The following LARS2 variants were observed in gnomAD, a reference collection of about 807,000 sequenced individuals.
LARS2 encodes leucine--tRNA ligase, mitochondrial.
In LARS2, 81 loss-of-function variants were observed where a neutral mutation model predicts 116.6. That is an observed-to-expected ratio of 0.69 (90% confidence interval 0.58 to 0.84). LARS2 has a LOEUF of 0.84. LARS2 is among the 40% of genes least tolerant of loss of function. The pLI, the probability that LARS2 is intolerant of heterozygous loss-of-function variation, is 0.00. For synonymous variants in LARS2, 396 were observed against 407.2 expected (o/e 0.97, Z 0.33); for missense variants, 968 against 1,114.5 (o/e 0.87, Z 1.87).
chr3:45,504,944 G>A (rs1700177298), intron 15 of LARS2, among the ~76,000 whole-genome samples: 1 of 151,724 alleles, frequency 6.6e-6, no homozygotes, highest in Non-Finnish European at 1.5e-5. Context: ...GCCGAGCATG[G>A]TGGCATGCGC....
chr3:45,527,850 G>T (rs1372538390), intron 20 of LARS2, among the ~76,000 whole-genome samples: 1 of 152,192 alleles, frequency 6.6e-6, no homozygotes, highest in African/African-American at 2.4e-5. Context: ...TTGGTGTTCA[G>T]TGAGATCATT....
intron 20 of LARS2, among the ~76,000 whole-genome samples, chr3:45,540,500 A>G (rs936633940): frequency 6.6e-6 from 1 of 152,154 alleles, no homozygotes; most frequent in South Asian, 2.1e-4. Context: ...AATGCATTGT[A>G]CTAGTCTCAG....
At chr3:45,393,887 A>T (rs961980979) in intron 2 of LARS2, among the ~76,000 whole-genome samples, 8 of 152,246 alleles carry the variant, frequency 5.3e-5, no homozygotes, top group African/African-American at 1.9e-4. Flanking sequence ...ATGAATTAAC[A>T]GTCTTCTAAA....
intron 4 of LARS2, among the ~76,000 whole-genome samples, chr3:45,404,334 C>T (rs939225498): frequency 6.6e-6 from 1 of 152,128 alleles, no homozygotes; most frequent in Non-Finnish European, 1.5e-5. Context: ...ATACAACCAC[C>T]AAATCTGGTG....
chr3:45,437,329 A>G (rs1698824957), intron 6 of LARS2, among the ~76,000 whole-genome samples: 1 of 152,264 alleles, frequency 6.6e-6, no homozygotes, highest in Admixed American at 6.5e-5. Context: ...ATAAAGGAAC[A>G]TATTGCATAA....
chr3:45,424,668 G>T lies in LARS2; in HGVS notation c.516+4939G>T, dbSNP rs1476296072. Among the ~76,000 whole-genome samples, 5 of 152,102 alleles carry T rather than the reference G, an allele frequency of 3.3e-5. No individual in the cohort carries two copies. In the East Asian group the frequency reaches 9.6e-4, roughly 29 times the overall value. ...TCCTTCCATCTGTATTTTGATGCTT[G>T]TTTTTTTATTCTTTTCTTCTTTGCC... On this transcript the variant is annotated intron_variant, in intron 6 of 21. Transcript: ENST00000645846.
chr3:45,436,767 G>C (rs189470718), intron 6 of LARS2, among the ~76,000 whole-genome samples: 13 of 142,634 alleles, frequency 9.1e-5, no homozygotes, highest in African/African-American at 3.3e-4. Flanking sequence ...GCAGTCCGCA[G>C]TCCGGCCTGG....
At chr3:45,407,973 TA>T (rs1278159611) in intron 4 of LARS2, among the ~76,000 whole-genome samples, 2 of 152,222 alleles carry the variant, frequency 1.3e-5, no homozygotes, top group African/African-American at 4.8e-5. Flanking sequence ...AAATATATTT[TA>T]AAATTGTACA....
At chr3:45,486,406 G>C (rs1176540638) in intron 11 of LARS2, among the ~76,000 whole-genome samples, 4 of 152,230 alleles carry the variant, frequency 2.6e-5, no homozygotes, top group Non-Finnish European at 4.4e-5. Flanking sequence ...GTAACAGGAA[G>C]TCTGAGAATG....
chr3:45,403,240 G>T (rs1447303903), intron 4 of LARS2, among the ~76,000 whole-genome samples: 1 of 151,266 alleles, frequency 6.6e-6, no homozygotes, highest in Non-Finnish European at 1.5e-5. Flanking sequence ...AATTAGATTT[G>T]TCTAAATTTT....
chr3:45,412,219 G>A (rs1460432901), intron 4 of LARS2, among the ~76,000 whole-genome samples: 1 of 152,040 alleles, frequency 6.6e-6, no homozygotes, highest in Non-Finnish European at 1.5e-5. Context: ...TAATGGGATT[G>A]CTGGGTCAAA....
chr3:45,511,262 G>A (rs1700285012), intron 15 of LARS2, among the ~76,000 whole-genome samples: 1 of 152,206 alleles, frequency 6.6e-6, no homozygotes, highest in Admixed American at 6.5e-5. Context: ...AGGTCTTGGT[G>A]TGGGTGCACT....
rs536853368 is a variant in LARS2, at chr3:45,417,558, A to C, written c.440A>C (p.Gln147Pro). The change falls in exon 5 of 22, where the codon CAA (glutamine) becomes CCA (proline). Residue 147 changes from glutamine (Q) to proline (P), a missense_variant. Gln to Pro is a moderately conservative substitution (Grantham distance 76, BLOSUM62 -1). Coordinates refer to ENST00000645846, the MANE Select transcript of LARS2 (RefSeq NM_015340.4). ...NAAVERNLHP[Q>P]SWTQSNIKHM... ...GCAGTCGAGAGGAATCTACATCCACAAAGTTGGACACAAAGGTAAGTGTTT... is the reference window on the plus strand; with the variant it reads ...GCAGTCGAGAGGAATCTACATCCACCAAGTTGGACACAAAGGTAAGTGTTT... The C allele has an allele frequency of 2.0e-5, 32 of 1,613,698 alleles. No individual in the cohort carries two copies. Among genetic ancestry groups the C allele is most frequent in the Non-Finnish European group, 2.6e-5 (31 of 1,179,586 alleles).
At position 45,446,971 on chromosome 3, in the gene LARS2, T is replaced by A; in HGVS notation, c.597T>A (p.Tyr199Ter). The A allele has an allele frequency of 6.3e-7, 1 of 1,588,452 alleles. No individual in the cohort carries two copies. Among genetic ancestry groups the A allele is most frequent in the Non-Finnish European group, 8.6e-7 (1 of 1,159,414 alleles). ...FIKLYEAGLA[Y>*]QKEALVNWDP... ...AACTGTATGAGGCTGGGCTGGCCTATCAAAAGGAGGTAAGTTAAAATTAGC... is the reference window on the plus strand; with the variant it reads ...AACTGTATGAGGCTGGGCTGGCCTAACAAAAGGAGGTAAGTTAAAATTAGC... Residue 199 changes from tyrosine (Y) to a stop codon, truncating the protein, a stop_gained, in exon 7 of 22, where the codon TAT (tyrosine) becomes TAA (stop). Coordinates refer to ENST00000645846, the MANE Select transcript of LARS2 (RefSeq NM_015340.4). LOFTEE classifies it high-confidence loss of function.
chr3:45,500,270 G>A (rs1393004715), intron 14 of LARS2, among the ~76,000 whole-genome samples, 172 bp from the exon 15 acceptor site: 3 of 152,128 alleles, frequency 2.0e-5, no homozygotes, highest in Admixed American at 1.3e-4. Flanking sequence ...CCAAACTGCT[G>A]GGATGACAGG....
intron 6 of LARS2, among the ~76,000 whole-genome samples, chr3:45,420,694 G>A (rs913803290): frequency 3.9e-5 from 6 of 152,160 alleles, no homozygotes; most frequent in Non-Finnish European, 5.9e-5. Flanking sequence ...CATAGAGAAT[G>A]AAATACGGTC....
intron 15 of LARS2, among the ~76,000 whole-genome samples, chr3:45,503,120 T>C (rs1173492082): frequency 1.3e-5 from 2 of 151,992 alleles, no homozygotes; most frequent in Non-Finnish European, 2.9e-5. Flanking sequence ...AGCTTCTCCC[T>C]GTTGCCTGGA....
intron 21 of LARS2, 93 bp downstream of exon 21, chr3:45,542,049 G>A (rs1700806743): frequency 6.7e-7 from 1 of 1,489,146 alleles, no homozygotes; most frequent in Non-Finnish European, 9.2e-7. Context: ...CTATTAGCAG[G>A]CCTTTCTAGC....
intron 8 of LARS2, among the ~76,000 whole-genome samples, chr3:45,461,557 A>C (rs1559476767): frequency 6.6e-6 from 1 of 152,154 alleles, no homozygotes; most frequent in Non-Finnish European, 1.5e-5. Flanking sequence ...GAAACCACTA[A>C]AGGATTCTAA....
Sources: gnomAD v4.1 joint callset for allele counts (sites outside exome capture counted in the v4.1 genomes callset) on GRCh38, gnomAD v4.1.1 for gene constraint, MANE v1.5 for transcripts, NCBI Gene and HGNC (gene_info 2026-07-23, HGNC 2026-07-21) for gene names.